Variants in ACYP2 observed in about 807,000 individuals in gnomAD.
ACYP2 encodes acylphosphatase 2.
In ACYP2, 12 loss-of-function variants were observed where a neutral mutation model predicts 11.2. The ratio of observed to expected loss-of-function variants is 1.08; its 90% CI spans 0.69 to 1.74. The LOEUF (loss-of-function observed/expected upper bound fraction) is 1.74, where lower values mean the gene tolerates loss of function less well. ACYP2 is among the 40% of genes most tolerant of loss of function. The pLI, the probability that ACYP2 is intolerant of heterozygous loss-of-function variation, is 0.00. For synonymous variants in ACYP2, 43 were observed against 32.2 expected, an observed-to-expected ratio of 1.33 and a Z score of -1.13; for missense variants, 134 against 101.9, an observed-to-expected ratio of 1.31 and a Z score of -1.35.
intron 4 of ACYP2, among the ~76,000 whole-genome samples, chr2:54,099,725 A>G (rs1678791138): frequency 1.3e-5 from 2 of 151,920 alleles, no homozygotes. Context: ...TTAGCTCCAT[A>G]TCTTGACTAC....
chr2:54,270,670 TATTTTTTCCTA>T (rs1558658735), intron 6 of ACYP2, among the ~76,000 whole-genome samples: 1 of 152,188 alleles, frequency 6.6e-6, no homozygotes, highest in Non-Finnish European at 1.5e-5. Context: ...ATTACTAACT[TATTTTTTCCTA>T]ATTTTATGAT....
intron 6 of ACYP2, chr2:54,254,911 G>A (rs376878276): frequency 1.6e-4 from 259 of 1,603,744 alleles, no homozygotes; most frequent in Non-Finnish European, 2.1e-4. Context: ...TAATTCCAAA[G>A]GCAAAGGTTA....
intron 2 of ACYP2, among the ~76,000 whole-genome samples, chr2:54,033,381 G>GT (rs564816845): frequency 0.012 from 1,702 of 142,594 alleles, 22 homozygotes; most frequent in African/African-American, 0.035. Context: ...TGTGTGTTTT[G>GT]TTTTTTTTTT....
chr2:54,241,602 A>C (rs1053425607), intron 6 of ACYP2, among the ~76,000 whole-genome samples: 18 of 152,242 alleles, frequency 1.2e-4, no homozygotes, highest in Non-Finnish European at 1.9e-4. Flanking sequence ...TGCCAGGAGA[A>C]GTGAAGATAG....
At chr2:54,063,999 T>TTTTTC (rs997748145) in intron 4 of ACYP2, among the ~76,000 whole-genome samples, 1 of 152,194 alleles carries the variant, frequency 6.6e-6, no homozygotes, top group Non-Finnish European at 1.5e-5. Context: ...GATGCTTTTC[T>TTTTTC]TTTTCTTTTC....
At chr2:54,106,586 C>T (rs550440865) in intron 4 of ACYP2, among the ~76,000 whole-genome samples, 1 of 151,206 alleles carries the variant, frequency 6.6e-6, no homozygotes, top group East Asian at 2.0e-4. Flanking sequence ...TAACATTTAC[C>T]AGACAAATTT....
At chr2:54,193,449 G>A (rs908575692) in intron 6 of ACYP2, among the ~76,000 whole-genome samples, 4 of 152,134 alleles carry the variant, frequency 2.6e-5, no homozygotes, top group South Asian at 2.1e-4. Context: ...GTGCTGGGAT[G>A]AGCTCCCAGA....
chr2:53,988,875 C>T (rs1558455383), intron 2 of ACYP2, among the ~76,000 whole-genome samples: 1 of 152,002 alleles, frequency 6.6e-6, no homozygotes, highest in East Asian at 1.9e-4. Flanking sequence ...GGCTCCTTAG[C>T]AGCTGGGATT....
intron 6 of ACYP2, among the ~76,000 whole-genome samples, chr2:54,198,346 C>T (rs1480027264): frequency 6.6e-6 from 1 of 151,908 alleles, no homozygotes; most frequent in Non-Finnish European, 1.5e-5. Context: ...AACACTCTGG[C>T]TGCTGTGGAG....
chr2:54,241,066 T>A (rs762758973), intron 6 of ACYP2, among the ~76,000 whole-genome samples: 1 of 152,182 alleles, frequency 6.6e-6, no homozygotes. Context: ...GCAAGTGCCA[T>A]TGACATGGCC....
At chr2:54,012,232 T>A (rs1673412542) in intron 2 of ACYP2, among the ~76,000 whole-genome samples, 1 of 146,312 alleles carries the variant, frequency 6.8e-6, no homozygotes, top group Admixed American at 6.8e-5. Flanking sequence ...CGAGACTCCG[T>A]CTCAAAAAAA....
At chr2:54,269,487 A>G (rs1371877069) in intron 6 of ACYP2, among the ~76,000 whole-genome samples, 1 of 152,226 alleles carries the variant, frequency 6.6e-6, no homozygotes, top group African/African-American at 2.4e-5. Context: ...ATATCCCAGA[A>G]TAAGGCCCCA....
At chr2:54,230,829 CT>C (rs34359444) in intron 6 of ACYP2, among the ~76,000 whole-genome samples, 6,932 of 129,318 alleles carry the variant, frequency 0.054, 424 homozygotes, top group African/African-American at 0.18. Context: ...TCTTTCTTTT[CT>C]TTTTTTTTTT....
chr2:54,201,633 T>G, intron 6 of ACYP2, among the ~76,000 whole-genome samples: 1 of 60,280 alleles, frequency 1.7e-5, no homozygotes, highest in African/African-American at 5.9e-5. Flanking sequence ...TGTTTCTTTC[T>G]TTCTCTTTCT....
At chr2:54,076,957 C>G (rs993102098) in intron 4 of ACYP2, among the ~76,000 whole-genome samples, 5 of 152,138 alleles carry the variant, frequency 3.3e-5, no homozygotes, top group Non-Finnish European at 7.4e-5. Flanking sequence ...TCAGGGTCTT[C>G]TAAATAACTG....
intron 6 of ACYP2, among the ~76,000 whole-genome samples, chr2:54,241,392 G>A (rs1270663793): frequency 3.3e-5 from 5 of 152,156 alleles, no homozygotes; most frequent in Non-Finnish European, 7.4e-5. Flanking sequence ...ACTAACAAAT[G>A]TGTTGAAGTA....
chr2:54,070,061 A>C (rs774867093), intron 4 of ACYP2, among the ~76,000 whole-genome samples: 2 of 152,212 alleles, frequency 1.3e-5, no homozygotes, highest in Non-Finnish European at 2.9e-5. Context: ...ACCTGAGGTC[A>C]GGAGTTCAAG....
intron 6 of ACYP2, among the ~76,000 whole-genome samples, chr2:54,266,556 A>C (rs1019759104): frequency 2.0e-5 from 2 of 99,304 alleles, no homozygotes; most frequent in African/African-American, 8.2e-5. Context: ...CTAGATAAAG[A>C]TAGATAGATA....
chr2:53,990,860 G>A (rs866421541), intron 2 of ACYP2, among the ~76,000 whole-genome samples: 3 of 151,478 alleles, frequency 2.0e-5, no homozygotes, highest in African/African-American at 4.8e-5. Context: ...GCGGTGGCGC[G>A]ATCTCGGCTC....
Sources: allele counts gnomAD v4.1 joint callset (sites outside exome capture counted in the v4.1 genomes callset), GRCh38; gene constraint gnomAD v4.1.1; transcripts MANE v1.5; gene names NCBI Gene and HGNC (gene_info 2026-07-23, HGNC 2026-07-21).